The following CCDC174 variants were observed in gnomAD, a reference collection of about 807,000 sequenced individuals.
CCDC174 encodes coiled-coil domain containing 174.
CCDC174 carries 37 observed loss-of-function variants against 57.1 expected under a neutral mutation model. The ratio of observed to expected loss-of-function variants is 0.65; its 90% CI spans 0.50 to 0.85. The LOEUF (loss-of-function observed/expected upper bound fraction) is 0.85, where lower values mean the gene tolerates loss of function less well. Ranked by LOEUF, CCDC174 falls within the 40% of genes least tolerant of loss-of-function variation. CCDC174 has a pLI of 0.00. For synonymous variants in CCDC174, 182 were observed against 190.2 expected, an observed-to-expected ratio of 0.96 and a Z score of 0.35; for missense variants, 540 against 574.3, an observed-to-expected ratio of 0.94 and a Z score of 0.61.
chr3:14,669,340 A>G (rs1297896136), intron 9 of CCDC174, among the ~76,000 whole-genome samples: 1 of 152,254 alleles, frequency 6.6e-6, no homozygotes, highest in Non-Finnish European at 1.5e-5. Context: ...TGCTCGCTCT[A>G]TAACATGTTA....
At chr3:14,659,224 G>C (rs769695578) in intron 4 of CCDC174, among the ~76,000 whole-genome samples, 2 of 139,564 alleles carry the variant, frequency 1.4e-5, no homozygotes, top group East Asian at 5.0e-4. Context: ...ACAAAGCAAA[G>C]TTAGGGAACA....
At chr3:14,653,762 T>A (rs997665851) in intron 1 of CCDC174, among the ~76,000 whole-genome samples, 1 of 152,242 alleles carries the variant, frequency 6.6e-6, no homozygotes, top group African/African-American at 2.4e-5. Context: ...AAGTCAAACG[T>A]GGAGCTGTTA....
In CCDC174 at chr3:14,653,071, A is replaced by G. The variant is rs143827198; in HGVS notation, c.42+1193A>G. Among the ~76,000 whole-genome samples, 1,068 of 152,288 alleles carry G rather than the reference A, an allele frequency of 7.0e-3. 10 individuals carry two copies. The highest frequency in any genetic ancestry group is 9.0e-3 in the Non-Finnish European group (609 of 68,026). ...ACACAAAGTGAGTAGGAAGGAAAAC[A>G]TATAGGTGTCCCAATATTTGAGTAC... On this transcript the variant is annotated intron_variant, in intron 1 of 10. Transcript: ENST00000383794.
Position 14,671,129 on chromosome 3 carries a change from C to T in CCDC174, c.1339C>T (p.Gln447Ter). Reference sequence around the variant, plus strand: ...CACTCCTGCCCCCGACAACCCACCACAAGCCCCCACAGTTACTTTCAAAAC... The same window carrying T: ...CACTCCTGCCCCCGACAACCCACCATAAGCCCCCACAGTTACTTTCAAAAC... ...SPTPAPDNPPQAPTVTFKTLD... is the reference protein window; with the variant it reads ...SPTPAPDNPP Residue 447 changes from glutamine (Q) to a stop codon, truncating the protein, a stop_gained, in exon 11 of 11, where the codon CAA becomes TAA. Coordinates refer to ENST00000383794, the MANE Select transcript of CCDC174 (RefSeq NM_016474.5). LOFTEE classifies it high-confidence loss of function. The T allele has an allele frequency of 6.2e-7, 1 of 1,614,150 alleles. No individual in the cohort carries two copies. Among genetic ancestry groups the T allele is most frequent in the Non-Finnish European group, 8.5e-7 (1 of 1,180,008 alleles).
intron 5 of CCDC174, 82 bp from the exon 6 acceptor site, chr3:14,664,946 C>G: frequency 4.1e-6 from 4 of 967,028 alleles, no homozygotes; most frequent in Non-Finnish European, 6.7e-6. Flanking sequence ...TATCTTCCCC[C>G]TTCACTGTTC....
At chr3:14,652,837 G>T (rs2030822129) in intron 1 of CCDC174, among the ~76,000 whole-genome samples, 2 of 149,962 alleles carry the variant, frequency 1.3e-5, no homozygotes, top group Non-Finnish European at 3.0e-5. Flanking sequence ...GGGAGGCGGA[G>T]GTTGCGGTGA....
chr3:14,666,427 A>G (rs1445611180), intron 6 of CCDC174, among the ~76,000 whole-genome samples: 1 of 152,170 alleles, frequency 6.6e-6, no homozygotes, highest in Admixed American at 6.5e-5. Context: ...GTTCAAAACC[A>G]GCCTAGCCAA....
chr3:14,658,877 A>C lies in CCDC174; in HGVS notation c.255A>C (p.Lys85Asn). Residue 85 changes from lysine to asparagine, a missense_variant, in exon 4 of 11, where the codon AAA becomes AAC. Physicochemically the swap from Lys to Asn is moderately conservative, Grantham distance 94. Coordinates refer to ENST00000383794, the MANE Select transcript of CCDC174 (RefSeq NM_016474.5). ...TGTATTTTTTTTCTCCTAGGGAAAA[A>C]TTGGAAGAAAAAGCCAAATTATATG... Reference protein sequence around the residue: ...EQKTLDKAREKLEEKAKLYEK... With the variant: ...EQKTLDKARENLEEKAKLYEK... 6.5e-7 allele frequency: 1 copy of C among 1,542,220 alleles called. No homozygotes were observed. The highest frequency in any genetic ancestry group is 8.9e-7 in the Non-Finnish European group (1 of 1,128,800).
Position 14,651,809 on chromosome 3 carries a change from TC to T in CCDC174, c.-26del. On this transcript the variant is annotated 5_prime_UTR_variant, in exon 1 of 11. Coordinates refer to ENST00000383794, the MANE Select transcript of CCDC174 (RefSeq NM_016474.5). ...GCCTGTGTCGGGTAGAAAGGGTCCT[TC>T]CTGGACCGGGACCCTCTGCCACGAC... is the stretch of plus-strand genomic sequence containing the variant. 3 of 1,613,410 alleles carry T rather than the reference TC, an allele frequency of 1.9e-6. No homozygotes were observed. The highest frequency in any genetic ancestry group is 2.5e-6 in the Non-Finnish European group (3 of 1,179,336).
chr3:14,662,961 A>G (rs903661571), intron 5 of CCDC174, among the ~76,000 whole-genome samples: 1 of 152,262 alleles, frequency 6.6e-6, no homozygotes, highest in African/African-American at 2.4e-5. Flanking sequence ...CATTTGGAAC[A>G]GGTGTCAGCC....
rs749529609 is a variant in CCDC174, at chr3:14,661,605, C to T, written c.383C>T (p.Ser128Phe). 3.7e-6 allele frequency: 6 copies of T among 1,614,174 alleles called. No individual in the cohort carries two copies. The highest frequency in any genetic ancestry group is 5.1e-6 in the Non-Finnish European group (6 of 1,179,994). The change falls in exon 5 of 11, where the codon TCT (serine) becomes TTT (phenylalanine). Residue 128 changes from serine (S) to phenylalanine (F), a missense_variant. By Grantham distance (155) the Ser-to-Phe change is radical. Transcript: ENST00000383794. ...GACAAGCGCAAAGAAATGGAGGCAT[C>T]TGGTGCCCATAGAGATTCTCAAAAG... ...IIDKRKEMEA[S>F]GAHRDSQKAG...
In CCDC174 at chr3:14,654,537, A is replaced by G. The variant is rs2030885835; in HGVS notation, c.147+7A>G. 5 of 1,290,130 alleles carry G rather than the reference A, an allele frequency of 3.9e-6. No homozygotes were observed. The highest frequency in any genetic ancestry group is 5.6e-6 in the Non-Finnish European group (5 of 898,304). The allele number at this position is 1,290,130 out of a possible 1,614,324, so 79.9% of individuals were successfully genotyped here. A position where few individuals can be genotyped will look rare whatever the true frequency, so the allele number is the denominator to read the frequency against. On this transcript the variant is annotated splice_region_variant and intron_variant, in intron 2 of 10. Transcript: ENST00000383794. ...ACCAAAAACAACTAACAAGGTAAAAAATAAGATCTAATTATCTCCATTGGT... is the reference window on the plus strand; with the variant it reads ...ACCAAAAACAACTAACAAGGTAAAAGATAAGATCTAATTATCTCCATTGGT...
At position 14,652,033 on chromosome 3, in the gene CCDC174, G is replaced by T. The variant is rs1168717325; in HGVS notation, c.42+155G>T. Among the ~76,000 whole-genome samples the T allele has an allele frequency of 2.6e-5, 4 of 152,266 alleles. No homozygotes were observed. The South Asian group carries it at 8.3e-4, about 32-fold the overall frequency. On this transcript the variant is annotated intron_variant, in intron 1 of 10. Transcript: ENST00000383794. Reference sequence around the variant, plus strand: ...CCCGAACTGGATTTTCTTCTCCGGCGGGGATCCGGTTCAGTTTTCTTACAG... The same window carrying T: ...CCCGAACTGGATTTTCTTCTCCGGCTGGGATCCGGTTCAGTTTTCTTACAG...
intron 6 of CCDC174, among the ~76,000 whole-genome samples, chr3:14,666,322 A>G (rs2031337398): frequency 2.6e-5 from 4 of 152,076 alleles, no homozygotes; most frequent in Admixed American, 2.6e-4. Flanking sequence ...CTGGTGCTTG[A>G]GTAAGAAGGG....
In CCDC174 at chr3:14,670,957, G is replaced by T. The variant is rs748606046; in HGVS notation, c.1167G>T (p.Glu389Asp). The change falls in exon 11 of 11, where the codon GAG (glutamate) becomes GAT (aspartate). Residue 389 changes from glutamate (E) to aspartate (D), a missense_variant. Coordinates refer to ENST00000383794, the MANE Select transcript of CCDC174 (RefSeq NM_016474.5). ...ATCTCCGGGCTGAGAGAGATCCTGA[G>T]TTTGCCCCGCCGTCAGATTACTTTG... ...QSDLRAERDP[E>D]FAPPSDYFVG... 1.9e-6 allele frequency: 3 copies of T among 1,614,208 alleles called. No individual in the cohort carries two copies. In the South Asian group the frequency reaches 3.3e-5, roughly 18 times the overall value.
In CCDC174 at chr3:14,669,984, C is replaced by T. The variant is rs1218365361; in HGVS notation, c.1003C>T (p.Pro335Ser). The change falls in exon 10 of 11, where the codon CCA becomes TCA. Residue 335 changes from proline (P) to serine (S), a missense_variant. By Grantham distance (74) the Pro-to-Ser change is moderately conservative (BLOSUM62 -1). Transcript: ENST00000383794. ...LPPEPEAVPT[P>S]RPAAQSSKVE... Reference sequence around the variant, plus strand: ...ACCGGAGCCAGAGGCTGTGCCAACCCCACGTCCTGCTGCCCAGAGTAGCAA... The same window carrying T: ...ACCGGAGCCAGAGGCTGTGCCAACCTCACGTCCTGCTGCCCAGAGTAGCAA... The T allele has an allele frequency of 6.2e-7, 1 of 1,613,624 alleles. No homozygotes were observed. Among genetic ancestry groups the T allele is most frequent in the South Asian group, 1.1e-5 (1 of 90,984 alleles).
rs1262123650 is a variant in CCDC174 at position 14,651,822 on chromosome 3, C to T, written c.-15C>T. 1.2e-6 allele frequency: 2 copies of T among 1,614,082 alleles called. No homozygotes were observed. Among genetic ancestry groups the T allele is most frequent in the South Asian group, 1.1e-5 (1 of 91,068 alleles). ...AGAAAGGGTCCTTCCTGGACCGGGA[C>T]CCTCTGCCACGACCATGGACCGTAG... On this transcript the variant is annotated 5_prime_UTR_variant, in exon 1 of 11. Coordinates refer to ENST00000383794, the MANE Select transcript of CCDC174 (RefSeq NM_016474.5).
At chr3:14,663,797 C>T (rs538803860) in intron 5 of CCDC174, among the ~76,000 whole-genome samples, 53 of 152,318 alleles carry the variant, frequency 3.5e-4, no homozygotes, top group African/African-American at 1.2e-3. Flanking sequence ...TGTGTGATTA[C>T]AAGCAATTTG....
chr3:14,654,866 C>T (rs148451202), intron 2 of CCDC174, among the ~76,000 whole-genome samples: 2,897 of 152,260 alleles, frequency 0.019, 29 homozygotes, highest in Middle Eastern at 0.037. Context: ...CGGAAAATAT[C>T]AGGGTGTATA....
Sources: allele counts gnomAD v4.1 joint callset (sites outside exome capture counted in the v4.1 genomes callset), GRCh38; gene constraint gnomAD v4.1.1; transcripts MANE v1.5; gene names NCBI Gene and HGNC (gene_info 2026-07-23, HGNC 2026-07-21).